PITPNB: variants seen among roughly 807,000 people sequenced by gnomAD.
PITPNB encodes the protein phosphatidylinositol transfer protein beta.
Under a neutral mutation model 45.9 loss-of-function variants are expected in PITPNB, and 16 were observed. The observed-to-expected ratio is 0.35, with a 90% CI of 0.24 to 0.53. The LOEUF (loss-of-function observed/expected upper bound fraction) is 0.53, where lower values mean the gene tolerates loss of function less well. Ranked by LOEUF, PITPNB falls within the 20% of genes least tolerant of loss-of-function variation. The probability of loss-of-function intolerance (pLI) is 0.93; values close to 1 mark genes in which losing one functional copy is unlikely to be tolerated. For synonymous variants in PITPNB, 112 were observed against 108.9 expected (o/e 1.03, Z -0.18); for missense variants, 188 against 330.5 (o/e 0.57, Z 3.34).
At chr22:27,918,321 G>C (rs1936147118) in intron 1 of PITPNB, among the ~76,000 whole-genome samples, 1 of 152,120 alleles carries the variant, frequency 6.6e-6, no homozygotes, top group Non-Finnish European at 1.5e-5. Context: ...GAAAACCAAC[G>C]AATGGGCCAT....
At chr22:27,859,244 C>T (rs762110821) in intron 9 of PITPNB, among the ~76,000 whole-genome samples, 15 of 152,128 alleles carry the variant, frequency 9.9e-5, no homozygotes, top group Non-Finnish European at 1.6e-4. Flanking sequence ...GATTATGATC[C>T]GAGAGGAAGG....
At chr22:27,894,814 A>G (rs1935388308) in intron 6 of PITPNB, among the ~76,000 whole-genome samples, 176 bp from the exon 7 acceptor site, 1 of 152,210 alleles carries the variant, frequency 6.6e-6, no homozygotes, top group African/African-American at 2.4e-5. Flanking sequence ...GTCTTTTATT[A>G]CCACTTATAA....
intron 11 of PITPNB, among the ~76,000 whole-genome samples, chr22:27,853,888 A>C (rs1451563684): frequency 2.6e-5 from 4 of 152,218 alleles, no homozygotes; most frequent in Admixed American, 6.5e-5. Context: ...AGGCAGAAAT[A>C]AATCACAAAA....
chr22:27,894,119 T>C (rs890445607), intron 7 of PITPNB: 3 of 153,616 alleles, frequency 2.0e-5, no homozygotes, highest in African/African-American at 7.2e-5. Context: ...AAAAAGATAC[T>C]CTACACCAAC....
rs1443630678 is a variant in PITPNB, at chr22:27,854,940, C to T, written c.769-1G>A. The T allele has an allele frequency of 6.2e-7, 1 of 1,611,510 alleles. No homozygotes were observed. Among genetic ancestry groups the T allele is most frequent in the African/African-American group, 1.3e-5 (1 of 74,844 alleles). On this transcript the variant is annotated splice_acceptor_variant, in intron 10 of 11. Transcript: ENST00000335272. LOFTEE classifies it high-confidence loss of function. ...CTCGAACGGAACCCCTCTTACGCAT[C>T]TAAACGTAAAATAAAATTGTGAGCT...
At chr22:27,864,955 GA>G (rs1601382040) in intron 8 of PITPNB, among the ~76,000 whole-genome samples, 1 of 143,638 alleles carries the variant, frequency 7.0e-6, no homozygotes. Flanking sequence ...TCAAAAAAAA[GA>G]AAAAAAAAGA....
At chr22:27,903,641 T>G (rs1484119876) in intron 3 of PITPNB, among the ~76,000 whole-genome samples, 1 of 150,916 alleles carries the variant, frequency 6.6e-6, no homozygotes, top group African/African-American at 2.4e-5. Flanking sequence ...CAGAGCACAG[T>G]GGTGCACACC....
chr22:27,862,296 T>C (rs577928898), intron 8 of PITPNB, among the ~76,000 whole-genome samples: 1 of 152,346 alleles, frequency 6.6e-6, no homozygotes, highest in South Asian at 2.1e-4. Context: ...AGACTACATT[T>C]TTCCCCATTA....
intron 7 of PITPNB, among the ~76,000 whole-genome samples, chr22:27,891,897 T>C (rs1397052684): frequency 6.6e-6 from 1 of 152,236 alleles, no homozygotes; most frequent in African/African-American, 2.4e-5. Flanking sequence ...ACTCTCATTT[T>C]ACACAAGATA....
At chr22:27,915,502 T>C (rs909623610) in intron 1 of PITPNB, among the ~76,000 whole-genome samples, 3 of 152,122 alleles carry the variant, frequency 2.0e-5, no homozygotes, top group Non-Finnish European at 2.9e-5. Flanking sequence ...CCTTTCTCCC[T>C]ACTCTCCTCA....
At chr22:27,880,693 G>A (rs997192206) in intron 7 of PITPNB, among the ~76,000 whole-genome samples, 2 of 152,034 alleles carry the variant, frequency 1.3e-5, no homozygotes, top group African/African-American at 4.8e-5. Context: ...CACGATCTCG[G>A]CTCACTACAA....
At chr22:27,900,888 AAT>A (rs1240372741) in intron 3 of PITPNB, among the ~76,000 whole-genome samples, 1 of 152,210 alleles carries the variant, frequency 6.6e-6, no homozygotes, top group African/African-American at 2.4e-5. Flanking sequence ...CTGAATGAAC[AAT>A]AGTAAGGCCC....
intron 1 of PITPNB, among the ~76,000 whole-genome samples, chr22:27,918,938 C>T (rs866507855): frequency 1.3e-5 from 2 of 152,006 alleles, no homozygotes; most frequent in Admixed American, 1.3e-4. Context: ...GGGCCGGGAC[C>T]CAGCCGCCTT....
At chr22:27,862,643 A>ATGTATG (rs1934372827) in intron 8 of PITPNB, among the ~76,000 whole-genome samples, 1 of 152,168 alleles carries the variant, frequency 6.6e-6, no homozygotes, top group Non-Finnish European at 1.5e-5. Context: ...AAAATTCAGG[A>ATGTATG]TGTATGTGTA....
chr22:27,893,684 G>C (rs534517731), intron 7 of PITPNB, among the ~76,000 whole-genome samples: 5 of 148,994 alleles, frequency 3.4e-5, no homozygotes, highest in South Asian at 2.1e-4. Context: ...CAAATTTCTG[G>C]ACTCAAGTAA....
intron 3 of PITPNB, among the ~76,000 whole-genome samples, chr22:27,909,950 CTTT>C (rs544649700): frequency 1.5e-5 from 2 of 130,280 alleles, no homozygotes. Context: ...CCACTAATTT[CTTT>C]TTTTTTTTTT....
At chr22:27,880,653 G>C (rs1490381380) in intron 7 of PITPNB, among the ~76,000 whole-genome samples, 1 of 150,390 alleles carries the variant, frequency 6.6e-6, no homozygotes, top group Non-Finnish European at 1.5e-5. Flanking sequence ...ATGGAGTTTC[G>C]CTCTTGTTGC....
rs1934127057 is a variant in PITPNB at position 27,854,878 on chromosome 22, T to C, written c.*14A>G. 2 of 1,612,206 alleles carry C rather than the reference T, an allele frequency of 1.2e-6. No individual in the cohort carries two copies. Among genetic ancestry groups the C allele is most frequent in the African/African-American group, 1.3e-5 (1 of 74,912 alleles). On this transcript the variant is annotated 3_prime_UTR_variant, in exon 11 of 12. Transcript: ENST00000335272. ...CACAGTTTGACATTGTCTCTGACCC[T>C]ACAGGGGACTCATCTAGACATCAGC...
At chr22:27,910,045 G>A (rs537678285) in intron 3 of PITPNB, among the ~76,000 whole-genome samples, 49 of 150,278 alleles carry the variant, frequency 3.3e-4, no homozygotes, top group African/African-American at 4.7e-4. Context: ...CCACCTCCTC[G>A]GTTCAAAAGA....
Sources: gnomAD v4.1 joint callset for allele counts (sites outside exome capture counted in the v4.1 genomes callset) on GRCh38, gnomAD v4.1.1 for gene constraint, MANE v1.5 for transcripts, NCBI Gene and HGNC (gene_info 2026-07-23, HGNC 2026-07-21) for gene names.